Variants in RPAP2 observed in about 807,000 individuals in gnomAD.
The protein encoded by RPAP2 is RNA polymerase II associated protein 2.
RPAP2 carries 52 observed loss-of-function variants against 73.1 expected under a neutral mutation model. That is an observed-to-expected ratio of 0.71 (90% CI 0.57 to 0.90). The LOEUF is 0.90. Among genes scored for constraint, RPAP2 ranks in the 40% least tolerant of loss-of-function variants. RPAP2 has a pLI of 0.00. For synonymous variants in RPAP2, 225 were observed against 242.1 expected (o/e 0.93, Z 0.65); for missense variants, 598 against 701.8 (o/e 0.85, Z 1.67).
intron 10 of RPAP2, among the ~76,000 whole-genome samples, chr1:92,337,367 A>T (rs1653338527): frequency 6.6e-6 from 1 of 152,124 alleles, no homozygotes; most frequent in Non-Finnish European, 1.5e-5. Context: ...AAACTGGCAA[A>T]TTTAAAAACA....
chr1:92,380,601 G>A (rs1373869362), intron 11 of RPAP2, 123 bp from the exon 12 acceptor site: 4 of 574,392 alleles, frequency 7.0e-6, no homozygotes, highest in Non-Finnish European at 1.1e-5. Context: ...TTCTCTCTGG[G>A]AGTTTAGTTA....
At chr1:92,375,999 C>CAAA (rs1234687722) in intron 11 of RPAP2, among the ~76,000 whole-genome samples, 3 of 65,278 alleles carry the variant, frequency 4.6e-5, no homozygotes, top group African/African-American at 8.9e-5. Flanking sequence ...GACTCTGTCT[C>CAAA]AAAAAAAAAA....
chr1:92,351,347 T>G (rs1571110644), intron 11 of RPAP2, among the ~76,000 whole-genome samples: 2 of 150,586 alleles, frequency 1.3e-5, no homozygotes, highest in East Asian at 3.9e-4. Flanking sequence ...CATAATGAAT[T>G]GCATAAAATT....
chr1:92,377,516 C>CAA (rs530908177), intron 11 of RPAP2, among the ~76,000 whole-genome samples: 29 of 76,534 alleles, frequency 3.8e-4, no homozygotes, highest in Admixed American at 6.2e-4. Flanking sequence ...AACTTTGTCT[C>CAA]AAAAAAAAAA....
At chr1:92,335,373 C>G (rs1458536145) in intron 9 of RPAP2, among the ~76,000 whole-genome samples, 1 of 152,080 alleles carries the variant, frequency 6.6e-6, no homozygotes, top group Non-Finnish European at 1.5e-5. Context: ...TACTATCACA[C>G]TGGTCTTAAA....
intron 8 of RPAP2, among the ~76,000 whole-genome samples, chr1:92,325,602 A>G (rs1193707582): frequency 2.0e-5 from 3 of 152,174 alleles, no homozygotes; most frequent in East Asian, 3.8e-4. Context: ...AAACATTTCC[A>G]TTGAAGTACA....
intron 11 of RPAP2, among the ~76,000 whole-genome samples, chr1:92,371,319 A>AAAAT (rs1199565882): frequency 9.7e-5 from 6 of 61,722 alleles, no homozygotes; most frequent in Non-Finnish European, 1.7e-4. Context: ...AAAAAAAAAA[A>AAAAT]ATATATATAT....
Position 92,323,566 on chromosome 1 carries a change from A to T in RPAP2, c.646A>T (p.Ser216Cys), listed in dbSNP as rs1652438361. The change falls in exon 8 of 13, where the codon AGC (serine) becomes TGC (cysteine). Residue 216 changes from serine (S) to cysteine (C), a missense_variant. Physicochemically the swap from Ser to Cys is moderately radical, Grantham distance 112. Around this residue, in one of 3 missense-constraint regions of RPAP2, gnomAD observed 506 missense variants for 612.8 expected, o/e 0.83. Transcript: ENST00000610020. ...SSSSSTHSDSSSDNEQDFVSS... is the reference protein window; with the variant it reads ...SSSSSTHSDSCSDNEQDFVSS... ...TTCTTCTAGCACTCACAGTGATAGT[A>T]GCAGTGACAATGAGCAAGACTTTGT... is the stretch of plus-strand genomic sequence containing the variant. 6.2e-7 allele frequency: 1 copy of T among 1,613,750 alleles called. No homozygotes were observed. Among genetic ancestry groups the T allele is most frequent in the South Asian group, 1.1e-5 (1 of 91,084 alleles).
At chr1:92,333,512 TA>T in intron 9 of RPAP2, 39 bp downstream of exon 9, 1 of 1,373,952 alleles carries the variant, frequency 7.3e-7, no homozygotes, top group Middle Eastern at 1.8e-4. Flanking sequence ...GTAGTAGTTT[TA>T]AATTAACTTG....
chr1:92,348,296 A>C (rs1435447423), intron 11 of RPAP2, among the ~76,000 whole-genome samples: 1 of 152,108 alleles, frequency 6.6e-6, no homozygotes, highest in Admixed American at 6.6e-5. Flanking sequence ...TCTAGATCTA[A>C]CCTTCCTTCT....
At chr1:92,364,126 A>G (rs1462325337) in intron 11 of RPAP2, among the ~76,000 whole-genome samples, 1 of 152,146 alleles carries the variant, frequency 6.6e-6, no homozygotes, top group South Asian at 2.1e-4. Context: ...GAGAAAATTG[A>G]CAAGTGACAT....
chr1:92,342,236 C>T (rs1386255563), intron 10 of RPAP2, among the ~76,000 whole-genome samples: 2 of 152,054 alleles, frequency 1.3e-5, no homozygotes, highest in Non-Finnish European at 2.9e-5. Context: ...TGTAAAGACC[C>T]GAAAGGAGGT....
intron 12 of RPAP2, among the ~76,000 whole-genome samples, chr1:92,384,481 G>T (rs1191030859): frequency 6.6e-6 from 1 of 151,590 alleles, no homozygotes. Flanking sequence ...AAAATTAGCT[G>T]GGCGTGGTGG....
At chr1:92,356,062 CTG>C (rs758100127) in intron 11 of RPAP2, among the ~76,000 whole-genome samples, 5 of 152,146 alleles carry the variant, frequency 3.3e-5, no homozygotes, top group Non-Finnish European at 5.9e-5. Flanking sequence ...TGTTTTAAAA[CTG>C]TTTTACTTAC....
chr1:92,329,053 G>C (rs1021818821), intron 8 of RPAP2, among the ~76,000 whole-genome samples: 1 of 152,184 alleles, frequency 6.6e-6, no homozygotes, highest in Non-Finnish European at 1.5e-5. Context: ...GGAGTGAAGT[G>C]GACTCTGTGA....
intron 6 of RPAP2, among the ~76,000 whole-genome samples, chr1:92,308,200 C>T (rs1651365315): frequency 6.6e-6 from 1 of 152,180 alleles, no homozygotes; most frequent in South Asian, 2.1e-4. Context: ...CCTCTGCCTG[C>T]CGATCCAATC....
At chr1:92,315,095 T>G (rs916606122) in intron 6 of RPAP2, among the ~76,000 whole-genome samples, 3 of 151,860 alleles carry the variant, frequency 2.0e-5, no homozygotes, top group Non-Finnish European at 4.4e-5. Context: ...ACAGAGGTCT[T>G]GTCTTGTTGC....
In RPAP2 at chr1:92,333,436, A is replaced by G. The variant is rs577863893; in HGVS notation, c.1501A>G (p.Ile501Val). The G allele has an allele frequency of 6.2e-7, 1 of 1,613,688 alleles. No homozygotes were observed. Among genetic ancestry groups the G allele is most frequent in the East Asian group, 2.2e-5 (1 of 44,812 alleles). ...GATAGACTCAAGTTCCCAGAACCAG[A>G]TTAGAAAACGCATCGTACTTGAAAA... is the stretch of plus-strand genomic sequence containing the variant. ...PLIDSSSQNQ[I>V]RKRIVLEKLS... The change falls in exon 9 of 13, where the codon ATT becomes GTT. Residue 501 changes from isoleucine to valine, a missense_variant. Physicochemically the swap from Ile to Val is conservative, Grantham distance 29. This residue lies in a region of RPAP2 where 506 missense variants were observed against 612.8 expected (regional missense o/e 0.83). Transcript: ENST00000610020.
In RPAP2 at chr1:92,389,445, C is replaced by T. The variant is rs563557612; in HGVS notation, c.*2434C>T. On this transcript the variant is annotated 3_prime_UTR_variant, in exon 13 of 13. Transcript: ENST00000610020. ...ACCACAAAGATGGGGAGAAACCAGA[C>T]CAGAAAGGCTGAAAATTCCAAAAAC... 6.6e-6 allele frequency: 1 copy of T among 152,290 alleles called. No individual in the cohort carries two copies. The highest frequency in any genetic ancestry group is 2.4e-5 in the African/African-American group (1 of 41,558). The allele number at this position is 152,290 out of a possible 1,614,324, so 9.4% of individuals were successfully genotyped here. A position where few individuals can be genotyped will look rare whatever the true frequency, so the allele number is the denominator to read the frequency against.
Sources: gnomAD v4.1 joint callset for allele counts (sites outside exome capture counted in the v4.1 genomes callset) on GRCh38, gnomAD v4.1.1 for gene constraint, gnomAD v4.1.1 regional missense constraint, MANE v1.5 for transcripts, NCBI Gene and HGNC (gene_info 2026-07-23, HGNC 2026-07-21) for gene names.